KALRN: variants seen among roughly 807,000 people sequenced by gnomAD.
KALRN encodes the protein kalirin RhoGEF kinase, also known as kalirin.
Under a neutral mutation model 353.7 loss-of-function variants are expected in KALRN, and 70 were observed. The observed-to-expected ratio is 0.20, with a 90% CI of 0.16 to 0.24. The LOEUF (loss-of-function observed/expected upper bound fraction) is 0.24. Among genes scored for constraint, KALRN ranks in the 10% least tolerant of loss-of-function variants. The pLI is 1.00. For missense variants in KALRN, 2,791 were observed against 3,756.7 expected (o/e 0.74, Z 6.72); for synonymous variants, 1,391 against 1,434.8 (o/e 0.97, Z 0.69).
intron 34 of KALRN, among the ~76,000 whole-genome samples, chr3:124,571,490 T>G (rs1180417599): frequency 6.6e-6 from 1 of 152,222 alleles, no homozygotes; most frequent in Non-Finnish European, 1.5e-5. Context: ...CTGGACTTTT[T>G]TCCTGGTTAT....
rs2150845665 is a variant in KALRN at position 124,719,138 on chromosome 3, G to A, written c.8629G>A (p.Val2877Ile). 1 of 1,614,236 alleles carries A rather than the reference G, an allele frequency of 6.2e-7. No homozygotes were observed. The highest frequency in any genetic ancestry group is 1.1e-5 in the South Asian group (1 of 91,090). ...GVLTYVMLSG[V>I]SPFLDESKEE... ...TCTGACATATGTCATGCTGAGTGGG[G>A]TCTCCCCCTTCTTGGATGAGAGCAA... Residue 2877 changes from valine to isoleucine, a missense_variant, in exon 60 of 60, where the codon GTC becomes ATC. By Grantham distance (29) the Val-to-Ile change is conservative. Around this residue, in one of 11 missense-constraint regions of KALRN, gnomAD observed 188 missense variants for 402.9 expected, o/e 0.47. Coordinates refer to ENST00000682506, the MANE Select transcript of KALRN (RefSeq NM_001388419.1). This position sits in a 1 kb window ranked among gnomAD's most constrained non-coding sequence, Gnocchi z 5.3.
chr3:124,230,522 A>G (rs1241357360), intron 2 of KALRN, among the ~76,000 whole-genome samples: 6 of 152,210 alleles, frequency 3.9e-5, no homozygotes, highest in African/African-American at 1.4e-4. Flanking sequence ...AGCCTCAGAA[A>G]AAAACCTTCT....
At chr3:124,456,567 CCAAAGCATCA>C in intron 22 of KALRN, 33 bp from the exon 23 acceptor site, 1 of 1,437,338 alleles carries the variant, frequency 7.0e-7, no homozygotes, top group Non-Finnish European at 9.7e-7. Flanking sequence ...AGTTGCTTTC[CCAAAGCATCA>C]CAAGGTGACC....
intron 14 of KALRN, among the ~76,000 whole-genome samples, chr3:124,420,352 C>A (rs768780919): frequency 1.3e-5 from 2 of 152,192 alleles, no homozygotes; most frequent in Non-Finnish European, 2.9e-5. Flanking sequence ...ACCAGAGACA[C>A]ATACAGAATG....
intron 34 of KALRN, among the ~76,000 whole-genome samples, chr3:124,629,903 A>G (rs1200037245): frequency 6.6e-6 from 1 of 152,052 alleles, no homozygotes; most frequent in Non-Finnish European, 1.5e-5. Flanking sequence ...TCTGTCTTAT[A>G]TATCTTTATA....
At chr3:124,483,322 G>C (rs1203624612) in intron 28 of KALRN, among the ~76,000 whole-genome samples, 13 of 152,130 alleles carry the variant, frequency 8.5e-5, no homozygotes, top group Admixed American at 8.5e-4. Flanking sequence ...AGGCTGAGAT[G>C]GGCAGATCAT....
intron 33 of KALRN, among the ~76,000 whole-genome samples, chr3:124,551,111 G>C (rs1163745376): frequency 1.3e-5 from 2 of 152,208 alleles, no homozygotes; most frequent in East Asian, 3.8e-4. Context: ...TATCCAGAGA[G>C]GATGGTGAGA....
chr3:124,271,371 A>C (rs1007822234), intron 5 of KALRN, among the ~76,000 whole-genome samples: 1 of 152,152 alleles, frequency 6.6e-6, no homozygotes, highest in Non-Finnish European at 1.5e-5. Flanking sequence ...GCCTGTCTGA[A>C]AAACCAAGTA....
rs78460200 is a variant in KALRN at position 124,264,099 on chromosome 3, A to G, written c.264-399A>G. ...CGGTGGAGGGGAATGTTTGCATTCT[A>G]CTTGCCGGGTGAGTATCTCTAATCC... On this transcript the variant is annotated intron_variant, in intron 3 of 59. Transcript: ENST00000682506. 8.8e-3 allele frequency among the ~76,000 whole-genome samples: 1,313 copies of G among 148,910 alleles called. 21 individuals are homozygous for G. The highest frequency in any genetic ancestry group is 0.03 in the African/African-American group (1,229 of 40,426).
intron 48 of KALRN, among the ~76,000 whole-genome samples, chr3:124,672,603 G>A (rs553861957): frequency 8.5e-5 from 13 of 152,326 alleles, no homozygotes; most frequent in Non-Finnish European, 1.8e-4. Flanking sequence ...GTCTGACTTG[G>A]ATTGAATGTT....
In KALRN at chr3:124,495,965, GTATATATATATATATATATA is replaced by G. The variant is rs768441029; in HGVS notation, c.4833-317_4833-298del. On this transcript the variant is annotated intron_variant, in intron 32 of 59. Transcript: ENST00000682506. ...CCCAAGTGTGTGTATGTGTATGTAT[GTATATATATATATATATATA>G]TATATATATATATATATATATATAT... 1.8e-3 allele frequency among the ~76,000 whole-genome samples: 74 copies of G among 41,484 alleles called. 5 individuals carry two copies. The highest frequency in any genetic ancestry group is 7.4e-3 in the South Asian group (8 of 1,076). The allele number at this position is 41,484 out of a possible 152,430, so 27.2% of individuals were successfully genotyped here.
intron 1 of KALRN, among the ~76,000 whole-genome samples, chr3:124,088,723 C>T (rs775399074): frequency 1.3e-5 from 2 of 152,140 alleles, no homozygotes; most frequent in South Asian, 4.1e-4. Context: ...AGCCCTTTCC[C>T]AGTACCTCGA....
intron 1 of KALRN, among the ~76,000 whole-genome samples, chr3:124,108,075 A>C (rs2062479134): frequency 6.6e-6 from 1 of 152,202 alleles, no homozygotes; most frequent in South Asian, 2.1e-4. Context: ...ATATGTGTAT[A>C]CTGTCTGTTT....
At chr3:124,593,507 C>T (rs1346656635) in intron 34 of KALRN, among the ~76,000 whole-genome samples, 1 of 152,194 alleles carries the variant, frequency 6.6e-6, no homozygotes, top group Non-Finnish European at 1.5e-5. Context: ...GTGCTGCTCA[C>T]TTGGAGGGAA....
At chr3:124,238,363 G>A (rs558409247) in intron 3 of KALRN, among the ~76,000 whole-genome samples, 73 of 152,304 alleles carry the variant, frequency 4.8e-4, no homozygotes, top group African/African-American at 1.7e-3. Context: ...TGCCCACATG[G>A]AAGCTGTCTA....
chr3:124,321,324 T>C (rs1157304546), intron 6 of KALRN, among the ~76,000 whole-genome samples: 1 of 152,228 alleles, frequency 6.6e-6, no homozygotes, highest in Non-Finnish European at 1.5e-5. Context: ...TAACTTAAGG[T>C]TACCAAAATG....
Position 124,441,871 on chromosome 3 carries a change from G to A in KALRN, c.3199-74G>A, listed in dbSNP as rs553617555. On this transcript the variant is annotated intron_variant, in intron 18 of 59. Coordinates refer to ENST00000682506, the MANE Select transcript of KALRN (RefSeq NM_001388419.1). ...GCAAAAGAAAATATGGAAGGAAGGA[G>A]GGTATGCCTTCTCCATTGTCTTGGA... 1.5e-5 allele frequency: 12 copies of A among 825,674 alleles called. No individual in the cohort carries two copies. The South Asian group carries it at 2.2e-4, about 15-fold the overall frequency. 51.1% of individuals were successfully genotyped at this position (825,674 alleles called of 1,614,324 possible). A position where few individuals can be genotyped will look rare whatever the true frequency, so the allele number is the denominator to read the frequency against.
intron 1 of KALRN, chr3:124,151,887 A>G: frequency 1.8e-6 from 1 of 567,786 alleles, no homozygotes; most frequent in Non-Finnish European, 3.1e-6. Context: ...TATTATTACT[A>G]TTTTGTATTC....
At chr3:124,698,373 G>T (rs1230062246) in intron 55 of KALRN, among the ~76,000 whole-genome samples, 1 of 152,192 alleles carries the variant, frequency 6.6e-6, no homozygotes, top group Non-Finnish European at 1.5e-5. Flanking sequence ...GTTCCTTGTT[G>T]TGTCTTCCAA....
Sources: gnomAD v4.1 joint callset for allele counts (sites outside exome capture counted in the v4.1 genomes callset) on GRCh38, gnomAD v4.1.1 for gene constraint, gnomAD v4.1.1 regional missense constraint, Gnocchi (gnomAD v3.1) non-coding constraint, MANE v1.5 for transcripts, NCBI Gene and HGNC (gene_info 2026-07-23, HGNC 2026-07-21) for gene names.